The following ELP4 variants were observed in gnomAD, a reference collection of about 807,000 sequenced individuals.
ELP4 encodes the protein elongator acetyltransferase complex subunit 4, also known as elongator complex protein 4.
Under a neutral mutation model 48.9 loss-of-function variants are expected in ELP4, and 51 were observed. That is an observed-to-expected ratio of 1.04 (90% CI 0.83 to 1.32). The LOEUF (loss-of-function observed/expected upper bound fraction) is 1.32. Among genes scored for constraint, ELP4 ranks in the 40% most tolerant of loss-of-function variants. The probability of loss-of-function intolerance (pLI) is 0.00; values close to 1 mark genes in which losing one functional copy is unlikely to be tolerated. For missense variants in ELP4, 519 were observed against 514.6 expected, an observed-to-expected ratio of 1.01 and a Z score of -0.08; for synonymous variants, 210 against 189.2, an observed-to-expected ratio of 1.11 and a Z score of -0.90.
At chr11:31,669,480 T>C (rs373199979) in intron 9 of ELP4, among the ~76,000 whole-genome samples, 2 of 152,280 alleles carry the variant, frequency 1.3e-5, no homozygotes, top group South Asian at 4.1e-4. Context: ...TCCTTTAAAA[T>C]GATTTTTCTG....
At chr11:31,730,940 A>T (rs1032463928) in intron 9 of ELP4, among the ~76,000 whole-genome samples, 2 of 152,142 alleles carry the variant, frequency 1.3e-5, no homozygotes, top group Non-Finnish European at 2.9e-5. Context: ...TATCAGAGGA[A>T]TCAGAGGGAG....
chr11:31,561,750 G>C (rs886884166), intron 3 of ELP4, among the ~76,000 whole-genome samples: 1 of 151,908 alleles, frequency 6.6e-6, no homozygotes, highest in Admixed American at 6.6e-5. Flanking sequence ...GGCCTGAAGA[G>C]CACATTTTAA....
intron 3 of ELP4, among the ~76,000 whole-genome samples, chr11:31,592,094 G>A (rs1957588950): frequency 6.6e-6 from 1 of 152,148 alleles, no homozygotes; most frequent in Non-Finnish European, 1.5e-5. Flanking sequence ...GGAGAGAAGG[G>A]GAATGTGGAG....
chr11:31,759,850 G>A (rs1388965023), intron 9 of ELP4, among the ~76,000 whole-genome samples: 3 of 152,026 alleles, frequency 2.0e-5, no homozygotes, highest in Non-Finnish European at 4.4e-5. Context: ...GGGATTACAG[G>A]TATATGCCAC....
chr11:31,694,013 G>A (rs558337996), intron 9 of ELP4, among the ~76,000 whole-genome samples: 1 of 152,026 alleles, frequency 6.6e-6, no homozygotes, highest in African/African-American at 2.4e-5. Context: ...GGGGTTGTTT[G>A]TTTTTTTCTT....
intron 9 of ELP4, among the ~76,000 whole-genome samples, chr11:31,678,026 C>T (rs1321692048): frequency 1.3e-5 from 2 of 152,072 alleles, no homozygotes; most frequent in Admixed American, 1.3e-4. Context: ...CCCCTTCTTT[C>T]CTCCCTCCCC....
rs181814768 is a variant in ELP4, at chr11:31,743,203, C to A, written c.1144-40190C>A. ...ATTCAACAAGAAGAGCTAACTATCC[C>A]AAATATATATGTTCCCAATACAGGA... On this transcript the variant is annotated intron_variant, in intron 9 of 9. Coordinates refer to ENST00000640961, the MANE Select transcript of ELP4 (RefSeq NM_019040.5). 7.0e-4 allele frequency among the ~76,000 whole-genome samples: 106 copies of A among 152,172 alleles called. 1 individual carries two copies. Among genetic ancestry groups the A allele is most frequent in the African/African-American group, 2.4e-3 (99 of 41,526 alleles).
chr11:31,760,120 C>T (rs931743695), intron 9 of ELP4, among the ~76,000 whole-genome samples: 1 of 152,174 alleles, frequency 6.6e-6, no homozygotes, highest in Non-Finnish European at 1.5e-5. Flanking sequence ...TTATGTCCAC[C>T]TTTGGGATGG....
chr11:31,721,896 T>G (rs1946968715), intron 9 of ELP4, among the ~76,000 whole-genome samples: 1 of 152,150 alleles, frequency 6.6e-6, no homozygotes, highest in African/African-American at 2.4e-5. Context: ...TATAACTTGT[T>G]GTAATGATAA....
rs892792692 is a variant in ELP4 at position 31,573,385 on chromosome 11, G to T, written c.382-21385G>T. ...ACCCTACTTCTCGGTATCAAAATCT[G>T]TGTTAGTCAGCTCAGGCTGCCATAA... On this transcript the variant is annotated intron_variant, in intron 3 of 9. Coordinates refer to ENST00000640961, the MANE Select transcript of ELP4 (RefSeq NM_019040.5). Among the ~76,000 whole-genome samples the T allele has an allele frequency of 2.0e-5, 3 of 152,130 alleles. No homozygotes were observed. In the South Asian group the frequency reaches 6.2e-4, roughly 32 times the overall value.
At chr11:31,628,833 T>C (rs1479964420) in intron 6 of ELP4, among the ~76,000 whole-genome samples, 1 of 152,102 alleles carries the variant, frequency 6.6e-6, no homozygotes, top group East Asian at 1.9e-4. Context: ...TTACTTAGTA[T>C]ATATATCTGT....
intron 9 of ELP4, among the ~76,000 whole-genome samples, chr11:31,758,696 T>A (rs1190670254): frequency 6.7e-6 from 1 of 149,976 alleles, no homozygotes. Context: ...TGAGATGGTC[T>A]CACTCTGTTG....
At chr11:31,520,142 G>T in intron 2 of ELP4, 51 bp downstream of exon 2, 3 of 1,484,228 alleles carry the variant, frequency 2.0e-6, no homozygotes, top group Admixed American at 4.2e-5. Context: ...TTTCTGTTGT[G>T]CATAATCATT....
At chr11:31,637,156 C>T (rs1165888858) in intron 7 of ELP4, among the ~76,000 whole-genome samples, 1 of 151,732 alleles carries the variant, frequency 6.6e-6, no homozygotes, top group Admixed American at 6.6e-5. Flanking sequence ...TTGTTCCACT[C>T]GCCAAGAAGC....
chr11:31,597,673 G>C (rs1461170612), intron 4 of ELP4, among the ~76,000 whole-genome samples: 2 of 152,062 alleles, frequency 1.3e-5, no homozygotes, highest in African/African-American at 4.8e-5. Flanking sequence ...CCAGGTTCAA[G>C]TGATTCTCCT....
intron 9 of ELP4, chr11:31,653,004 C>T (rs577291126): frequency 6.6e-6 from 1 of 151,740 alleles, no homozygotes; most frequent in African/African-American, 2.4e-5. Context: ...GGGCCTCTAA[C>T]AGGTAGAGCA....
intron 9 of ELP4, chr11:31,761,878 T>G (rs961952907): frequency 2.6e-4 from 39 of 152,260 alleles, no homozygotes; most frequent in African/African-American, 8.7e-4. Flanking sequence ...GGCATCAGTC[T>G]CAGAAGAGAC....
intron 9 of ELP4, among the ~76,000 whole-genome samples, chr11:31,758,116 T>C (rs952405365): frequency 6.6e-6 from 1 of 152,216 alleles, no homozygotes; most frequent in Non-Finnish European, 1.5e-5. Context: ...ATGTTTATTT[T>C]CAAGTCAAAC....
At chr11:31,599,257 A>G (rs1271416735) in intron 4 of ELP4, 1 of 152,190 alleles carries the variant, frequency 6.6e-6, no homozygotes, top group African/African-American at 2.4e-5. Context: ...TATGCAGTCA[A>G]TGATCATGCT....
Sources: gnomAD v4.1 joint callset for allele counts (sites outside exome capture counted in the v4.1 genomes callset) on GRCh38, gnomAD v4.1.1 for gene constraint, MANE v1.5 for transcripts, NCBI Gene and HGNC (gene_info 2026-07-23, HGNC 2026-07-21) for gene names.